Variants in ADAMTS17 observed in about 807,000 individuals in gnomAD.
ADAMTS17 encodes the protein ADAM metallopeptidase with thrombospondin type 1 motif 17, also known as A disintegrin and metalloproteinase with thrombospondin motifs 17.
ADAMTS17 carries 113 observed loss-of-function variants against 141.5 expected under a neutral mutation model. The observed-to-expected ratio is 0.80, with a 90% CI of 0.69 to 0.93. The LOEUF is 0.93. ADAMTS17 is among the 40% of genes least tolerant of loss of function. The pLI, the probability that ADAMTS17 is intolerant of heterozygous loss-of-function variation, is 0.00. For synonymous variants in ADAMTS17, 768 were observed against 630.6 expected (o/e 1.22, Z -3.27); for missense variants, 1,659 against 1,517.9 (o/e 1.09, Z -1.54).
chr15:100,237,706 C>A (rs1269997468), intron 7 of ADAMTS17, among the ~76,000 whole-genome samples: 1 of 152,196 alleles, frequency 6.6e-6, no homozygotes, highest in East Asian at 1.9e-4. Flanking sequence ...TCAGTGCAAC[C>A]TCCGCCTCCC....
intron 7 of ADAMTS17, among the ~76,000 whole-genome samples, chr15:100,231,153 G>A (rs1409555060): frequency 6.6e-6 from 1 of 152,206 alleles, no homozygotes; most frequent in African/African-American, 2.4e-5. Context: ...TTTGTATCTA[G>A]CAATGGTGTG....
rs900209051 is a variant in ADAMTS17 at position 100,103,500 on chromosome 15, C to T, written c.2016+5489G>A. On this transcript the variant is annotated intron_variant, in intron 14 of 21. Transcript: ENST00000268070. ...CCAATAAATTCTTGGCAATGAAAGT[C>T]GTCCATTGAAATGGGCTCCAGATTC... Among the ~76,000 whole-genome samples the T allele has an allele frequency of 4.6e-5, 7 of 152,156 alleles. No homozygotes were observed. In the East Asian group the frequency reaches 5.8e-4, roughly 13 times the overall value.
chr15:100,239,857 G>GCC (rs1168770620), intron 7 of ADAMTS17, among the ~76,000 whole-genome samples: 1 of 152,140 alleles, frequency 6.6e-6, no homozygotes, highest in Non-Finnish European at 1.5e-5. Flanking sequence ...GGGATGGTGA[G>GCC]CCCTCTGGGG....
chr15:100,018,660 G>A (rs777152811), intron 18 of ADAMTS17, among the ~76,000 whole-genome samples: 7 of 152,162 alleles, frequency 4.6e-5, no homozygotes, highest in Non-Finnish European at 7.3e-5. Context: ...CTGCAGAATT[G>A]TGTGCCAATG....
intron 18 of ADAMTS17, among the ~76,000 whole-genome samples, chr15:100,046,081 A>G (rs991095045): frequency 2.6e-5 from 4 of 152,020 alleles, no homozygotes; most frequent in Non-Finnish European, 5.9e-5. Flanking sequence ...GGGTTTCACT[A>G]TGTTGGCCAG....
rs767596205 is a variant in ADAMTS17 at position 99,974,387 on chromosome 15, C to T, written c.*15G>A. 4 of 1,614,006 alleles carry T rather than the reference C, an allele frequency of 2.5e-6. No individual in the cohort carries two copies. Among genetic ancestry groups the T allele is most frequent in the East Asian group, 4.5e-5 (2 of 44,878 alleles). On this transcript the variant is annotated 3_prime_UTR_variant, in exon 22 of 22. Coordinates refer to ENST00000268070, the MANE Select transcript of ADAMTS17 (RefSeq NM_139057.4). The stretch of plus-strand genomic sequence containing the variant: ...GACCTGAGTCTGAGCTTTGAGCGAC[C>T]CTTGGGACTGCGTGTCACGAGTTCG...
intron 7 of ADAMTS17, among the ~76,000 whole-genome samples, chr15:100,246,865 A>ATTTTTATT (rs2043002762): frequency 1.0e-5 from 1 of 95,750 alleles, no homozygotes; most frequent in East Asian, 3.6e-4. Context: ...TTGCCCTTTT[A>ATTTTTATT]TTTTTATTTA....
intron 10 of ADAMTS17, among the ~76,000 whole-genome samples, chr15:100,134,723 G>A (rs1478490000): frequency 6.6e-6 from 1 of 152,188 alleles, no homozygotes; most frequent in Non-Finnish European, 1.5e-5. Flanking sequence ...GAGCTGGAGG[G>A]AGCTTTTAAA....
chr15:100,291,249 C>T (rs903673378), intron 3 of ADAMTS17, among the ~76,000 whole-genome samples: 2 of 152,140 alleles, frequency 1.3e-5, no homozygotes, highest in African/African-American at 4.8e-5. Flanking sequence ...TGAAAAGTTA[C>T]TCAACATCAC....
intron 8 of ADAMTS17, among the ~76,000 whole-genome samples, chr15:100,185,778 T>C (rs2040692826): frequency 6.6e-6 from 1 of 152,190 alleles, no homozygotes; most frequent in African/African-American, 2.4e-5. Flanking sequence ...AGCCGTTTCC[T>C]TCATCATCCC....
intron 7 of ADAMTS17, among the ~76,000 whole-genome samples, chr15:100,250,893 A>G (rs117047950): frequency 0.015 from 2,264 of 152,290 alleles, 23 homozygotes; most frequent in Middle Eastern, 0.051. Flanking sequence ...ACTCAAAATA[A>G]AAATATTTTA....
At chr15:100,127,383 C>T (rs904967195) in intron 12 of ADAMTS17, among the ~76,000 whole-genome samples, 12 of 152,040 alleles carry the variant, frequency 7.9e-5, no homozygotes, top group African/African-American at 2.9e-4. Context: ...GGTGATGCAC[C>T]TCCAAGCCAG....
chr15:100,069,482 G>A (rs1245686504), intron 15 of ADAMTS17, among the ~76,000 whole-genome samples: 2 of 152,142 alleles, frequency 1.3e-5, no homozygotes, highest in East Asian at 1.9e-4. Context: ...AATGTTAAGG[G>A]CAGCCAGAGA....
intron 13 of ADAMTS17, 32 bp from the exon 14 acceptor site, chr15:100,109,148 C>A (rs185129613): frequency 6.3e-7 from 1 of 1,586,964 alleles, no homozygotes; most frequent in Non-Finnish European, 8.6e-7. Flanking sequence ...GACGTTGACA[C>A]GGGAAGGTGT....
intron 8 of ADAMTS17, among the ~76,000 whole-genome samples, chr15:100,179,159 T>C (rs1250587790): frequency 6.6e-6 from 1 of 152,206 alleles, no homozygotes; most frequent in African/African-American, 2.4e-5. Context: ...AACCAAATAC[T>C]AGGTCTTATT....
chr15:100,264,261 G>A (rs541422005), intron 4 of ADAMTS17, among the ~76,000 whole-genome samples: 1 of 152,280 alleles, frequency 6.6e-6, no homozygotes, highest in South Asian at 2.1e-4. Flanking sequence ...GGGGAGGAGG[G>A]GGGAGGCACC....
chr15:100,105,537 G>A (rs2036363691), intron 14 of ADAMTS17, among the ~76,000 whole-genome samples: 1 of 152,198 alleles, frequency 6.6e-6, no homozygotes, highest in African/African-American at 2.4e-5. Context: ...CTGGATGTTT[G>A]TGTCTTCTAG....
At chr15:100,132,434 C>T (rs1002436484) in intron 11 of ADAMTS17, among the ~76,000 whole-genome samples, 1 of 152,172 alleles carries the variant, frequency 6.6e-6, no homozygotes, top group Non-Finnish European at 1.5e-5. Context: ...ATCTACGTAG[C>T]TCTTGAAGAG....
chr15:100,171,068 T>A (rs1596177920), intron 8 of ADAMTS17, among the ~76,000 whole-genome samples: 2 of 152,064 alleles, frequency 1.3e-5, no homozygotes, highest in African/African-American at 2.4e-5. Flanking sequence ...GCCATTTTAA[T>A]GGGCAGTAGG....
Sources: gnomAD v4.1 joint callset for allele counts (sites outside exome capture counted in the v4.1 genomes callset) on GRCh38, gnomAD v4.1.1 for gene constraint, MANE v1.5 for transcripts, NCBI Gene and HGNC (gene_info 2026-07-23, HGNC 2026-07-21) for gene names.